SRD5A2: variants seen among roughly 807,000 people sequenced by gnomAD.
SRD5A2 encodes the protein steroid 5 alpha-reductase 2.
In SRD5A2, 30 loss-of-function variants were observed where a neutral mutation model predicts 27.4. The observed-to-expected ratio is 1.10, with a 90% CI of 0.82 to 1.49. The LOEUF is 1.49. Ranked by LOEUF, SRD5A2 falls within the 40% of genes most tolerant of loss-of-function variation. The pLI is 0.00. For missense variants in SRD5A2, 348 were observed against 323.4 expected, an observed-to-expected ratio of 1.08 and a Z score of -0.58; for synonymous variants, 141 against 133.6, an observed-to-expected ratio of 1.06 and a Z score of -0.38.
At chr2:31,575,588 G>A (rs1666943112) in intron 1 of SRD5A2, among the ~76,000 whole-genome samples, 1 of 152,162 alleles carries the variant, frequency 6.6e-6, no homozygotes, top group Non-Finnish European at 1.5e-5. Context: ...GCTGGGGAAT[G>A]AACTGACTAA....
At chr2:31,567,883 T>C (rs556590106) in intron 1 of SRD5A2, among the ~76,000 whole-genome samples, 79 of 152,154 alleles carry the variant, frequency 5.2e-4, no homozygotes, top group African/African-American at 1.8e-3. Context: ...ACTTGGCTCA[T>C]GCTACAGGCC....
At chr2:31,594,728 A>G in the SRD5A2 span, among the ~76,000 whole-genome samples, 1 of 152,172 alleles carries the variant, frequency 6.6e-6, no homozygotes, top group Non-Finnish European at 1.5e-5. Flanking sequence ...ATTTACAAAC[A>G]TTCTACCCAA....
At chr2:31,649,976 GATT>G in the SRD5A2 span, among the ~76,000 whole-genome samples, 1 of 22,076 alleles carries the variant, frequency 4.5e-5, no homozygotes, top group Non-Finnish European at 1.2e-4. Flanking sequence ...AGATTGATTA[GATT>G]GATTGATTAG....
the SRD5A2 span, among the ~76,000 whole-genome samples, chr2:31,650,719 T>C: frequency 6.6e-6 from 1 of 152,186 alleles, no homozygotes; most frequent in Non-Finnish European, 1.5e-5. Flanking sequence ...TTAGTAAGTA[T>C]GCAGCTCCAC....
chr2:31,581,985 G>A (rs1005786242), upstream of SRD5A2, among the ~76,000 whole-genome samples: 1 of 151,988 alleles, frequency 6.6e-6, no homozygotes, highest in African/African-American at 2.4e-5. Flanking sequence ...CTCCTCCTCT[G>A]TTTCCCAACC....
the SRD5A2 span, among the ~76,000 whole-genome samples, chr2:31,661,897 G>A: frequency 6.6e-6 from 1 of 151,910 alleles, no homozygotes; most frequent in African/African-American, 2.4e-5. Flanking sequence ...CTATTGACCT[G>A]TCTTCAAATT....
At chr2:31,646,769 T>C in the SRD5A2 span, among the ~76,000 whole-genome samples, 3 of 152,182 alleles carry the variant, frequency 2.0e-5, no homozygotes, top group Non-Finnish European at 4.4e-5. Context: ...CTTCTGTTAA[T>C]ACTTGTGCCA....
At chr2:31,547,530 G>A (rs146183655) in intron 1 of SRD5A2, among the ~76,000 whole-genome samples, 2 of 152,200 alleles carry the variant, frequency 1.3e-5, no homozygotes, top group African/African-American at 4.8e-5. Context: ...TCTGGAGCCA[G>A]AATTCATTTC....
At chr2:31,643,629 CAG>C in the SRD5A2 span, among the ~76,000 whole-genome samples, 1 of 151,212 alleles carries the variant, frequency 6.6e-6, no homozygotes, top group Non-Finnish European at 1.5e-5. Flanking sequence ...AATTTCAGGA[CAG>C]GGGCAGAAAA....
chr2:31,544,078 A>G (rs1223973321), intron 1 of SRD5A2, among the ~76,000 whole-genome samples: 1 of 152,082 alleles, frequency 6.6e-6, no homozygotes, highest in Non-Finnish European at 1.5e-5. Context: ...TTTTTTAAAA[A>G]TGGTTACAAG....
intron 1 of SRD5A2, among the ~76,000 whole-genome samples, chr2:31,550,988 C>A (rs190792009): frequency 3.8e-4 from 58 of 152,000 alleles, no homozygotes; most frequent in Middle Eastern, 3.4e-3. Context: ...CAGAAAAAAA[C>A]CCCTCACTTC....
intron 1 of SRD5A2, among the ~76,000 whole-genome samples, chr2:31,574,063 C>G (rs1666904390): frequency 6.6e-6 from 1 of 152,172 alleles, no homozygotes; most frequent in Non-Finnish European, 1.5e-5. Flanking sequence ...GCACTAGGGC[C>G]CTCTCAGATG....
chr2:31,604,794 T>TAA, the SRD5A2 span, among the ~76,000 whole-genome samples: 7 of 150,448 alleles, frequency 4.7e-5, no homozygotes, highest in Admixed American at 1.3e-4. Flanking sequence ...TTCACAGAAA[T>TAA]AAAAAAAAAT....
At chr2:31,614,898 T>C in the SRD5A2 span, among the ~76,000 whole-genome samples, 2 of 152,062 alleles carry the variant, frequency 1.3e-5, no homozygotes, top group African/African-American at 2.4e-5. Context: ...TGGGAGAAAA[T>C]TGAATCATGG....
At chr2:31,584,226 T>C (rs187597721), upstream of SRD5A2, among the ~76,000 whole-genome samples, 82 of 152,290 alleles carry the variant, frequency 5.4e-4, no homozygotes, top group Admixed American at 1.4e-3. Flanking sequence ...GGCCATGGTT[T>C]AGTAGTAGAA....
intron 1 of SRD5A2, among the ~76,000 whole-genome samples, chr2:31,567,993 T>C (rs1301521323): frequency 6.6e-6 from 1 of 152,168 alleles, no homozygotes; most frequent in African/African-American, 2.4e-5. Flanking sequence ...CCAGGCACAC[T>C]GGTTGCTGGG....
the SRD5A2 span, among the ~76,000 whole-genome samples, chr2:31,644,485 A>G: frequency 1.3e-5 from 2 of 152,182 alleles, no homozygotes; most frequent in Non-Finnish European, 2.9e-5. Flanking sequence ...TTAAATTCTC[A>G]TAAGGTGCAC....
At chr2:31,640,198 TA>T in the SRD5A2 span, among the ~76,000 whole-genome samples, 1 of 152,006 alleles carries the variant, frequency 6.6e-6, no homozygotes, top group African/African-American at 2.4e-5. Context: ...GTTTTTTTTT[TA>T]ATTTTAATCT....
In SRD5A2 at chr2:31,533,586, T is replaced by A; in HGVS notation, c.445+17A>T. On this transcript the variant is annotated intron_variant, in intron 2 of 4. Transcript: ENST00000622030. ...TGTTAGCTGGGAAGTAGGTGAGAAG[T>A]GGGCAGATTCACTTACCCAAGCTAA... 1.9e-6 allele frequency: 3 copies of A among 1,550,172 alleles called. No individual in the cohort carries two copies. The highest frequency in any genetic ancestry group is 2.6e-6 in the Non-Finnish European group (3 of 1,146,122).
Sources: allele counts gnomAD v4.1 joint callset (sites outside exome capture counted in the v4.1 genomes callset), GRCh38; gene constraint gnomAD v4.1.1; transcripts MANE v1.5; gene names NCBI Gene and HGNC (gene_info 2026-07-23, HGNC 2026-07-21).